Variants in ERCC3 observed in about 807,000 individuals in gnomAD.
ERCC3 encodes the protein general transcription and DNA repair factor IIH helicase/translocase subunit XPB.
Under a neutral mutation model 94.2 loss-of-function variants are expected in ERCC3, and 66 were observed. The observed-to-expected ratio is 0.70, with a 90% CI of 0.57 to 0.86. The LOEUF (loss-of-function observed/expected upper bound fraction) is 0.86, where lower values mean the gene tolerates loss of function less well. Among genes scored for constraint, ERCC3 ranks in the 40% least tolerant of loss-of-function variants. ERCC3 has a pLI of 0.00. For synonymous variants in ERCC3, 349 were observed against 369.1 expected (o/e 0.95, Z 0.63); for missense variants, 829 against 987.1 (o/e 0.84, Z 2.15).
At chr2:127,263,854 C>T (rs1356312551) in intron 12 of ERCC3, among the ~76,000 whole-genome samples, 1 of 151,962 alleles carries the variant, frequency 6.6e-6, no homozygotes, top group East Asian at 1.9e-4. Flanking sequence ...ACTACAGGTG[C>T]CTGCCACCAC....
chr2:127,259,496 C>A lies in ERCC3; in HGVS notation c.2065-48G>T. On this transcript the variant is annotated intron_variant, in intron 13 of 14. Transcript: ENST00000285398. The surrounding 1 kb of genome is among the most constrained non-coding windows in gnomAD (Gnocchi z 4.9). ...CATGCCCCTTTCTGCTCTCTCTCCC[C>A]AGCCCTCCTCTGCCTTCTCCTGGGT... The A allele has an allele frequency of 6.2e-7, 1 of 1,611,888 alleles. No homozygotes were observed. The highest frequency in any genetic ancestry group is 8.5e-7 in the Non-Finnish European group (1 of 1,179,600).
intron 2 of ERCC3, 52 bp from the exon 3 acceptor site, chr2:127,292,898 C>G: frequency 8.8e-7 from 1 of 1,137,158 alleles, no homozygotes; most frequent in Non-Finnish European, 1.3e-6. Context: ...GTTGCAGAGA[C>G]TACTGGGCTC....
rs746054709 is a variant in ERCC3, at chr2:127,259,266, C to A, written c.2217+30G>T. The stretch of plus-strand genomic sequence containing the variant: ...AAACGCTGCCCTGTGAGAGCACTGA[C>A]ACCTGGAACCTCCTCACCCATTTAC... On this transcript the variant is annotated intron_variant, in intron 14 of 14. Coordinates refer to ENST00000285398, the MANE Select transcript of ERCC3 (RefSeq NM_000122.2). The surrounding 1 kb of genome is among the most constrained non-coding windows in gnomAD (Gnocchi z 4.9). 2 of 1,613,762 alleles carry A rather than the reference C, an allele frequency of 1.2e-6. No individual in the cohort carries two copies. The highest frequency in any genetic ancestry group is 3.3e-5 in the Admixed American group (2 of 60,004).
chr2:127,288,935 G>C (rs1350812880), intron 6 of ERCC3, 71 bp from the exon 7 acceptor site: 24 of 1,206,272 alleles, frequency 2.0e-5, no homozygotes, highest in Non-Finnish European at 2.3e-5. Flanking sequence ...CTTCTAAGAG[G>C]TCCAATGGTC....
Position 127,271,234 on chromosome 2 carries a change from T to G in ERCC3, c.1945+102A>C, listed in dbSNP as rs4150498. 5.2e-4 allele frequency: 431 copies of G among 828,852 alleles called. 2 individuals carry two copies. In the African/African-American group the frequency reaches 5.3e-3, roughly 10 times the overall value. 51.3% of individuals were successfully genotyped at this position (828,852 alleles called of 1,614,324 possible). A position where few individuals can be genotyped will look rare whatever the true frequency, so the allele number is the denominator to read the frequency against. Reference sequence around the variant, plus strand: ...GGGATTCTCTCCCTCCAGAGTCTATTTAGCCCCAGGGCACATGGCAGCTCT... The same window carrying G: ...GGGATTCTCTCCCTCCAGAGTCTATGTAGCCCCAGGGCACATGGCAGCTCT... On this transcript the variant is annotated intron_variant, in intron 12 of 14. Coordinates refer to ENST00000285398, the MANE Select transcript of ERCC3 (RefSeq NM_000122.2). The surrounding 1 kb of genome is among the most constrained non-coding windows in gnomAD (Gnocchi z 5.0).
At chr2:127,260,808 G>C (rs969457587) in intron 13 of ERCC3, 1 of 207,916 alleles carries the variant, frequency 4.8e-6, no homozygotes, top group African/African-American at 2.3e-5. Flanking sequence ...CTCAGCCAGT[G>C]AAAGTTAGCC....
chr2:127,261,278 A>G lies in ERCC3; in HGVS notation c.2014T>C (p.Tyr672His). Reference sequence around the variant, plus strand: ...AAGAATCTCTGCCGCTTGGTTGAGTAAGCCATTTCCTGTGTGTCCTGGGAT... The same window carrying G: ...AAGAATCTCTGCCGCTTGGTTGAGTGAGCCATTTCCTGTGTGTCCTGGGAT... Reference protein sequence around the residue: ...LVSQDTQEMAYSTKRQRFLVD... With the variant: ...LVSQDTQEMAHSTKRQRFLVD... Residue 672 changes from tyrosine (Y) to histidine (H), a missense_variant, in exon 13 of 15, where the codon TAC (tyrosine) becomes CAC (histidine). Transcript: ENST00000285398. 3 of 1,613,752 alleles carry G rather than the reference A, an allele frequency of 1.9e-6. No individual in the cohort carries two copies. The highest frequency in any genetic ancestry group is 2.5e-6 in the Non-Finnish European group (3 of 1,179,598).
Position 127,259,332 on chromosome 2 carries a change from C to T in ERCC3, c.2181G>A (p.Glu727=), listed in dbSNP as rs199818181. 4.3e-6 allele frequency: 7 copies of T among 1,614,192 alleles called. No individual in the cohort carries two copies. Among genetic ancestry groups the T allele is most frequent in the South Asian group, 1.1e-5 (1 of 91,084 alleles). ...LAATDLDAEE[E]VVAGEFGSRS... ...TGGAGCCAAATTCCCCAGCCACCAC[C>T]TCCTCCTCGGCATCCAGGTCAGTGG... The change falls in exon 14 of 15, where the codon GAG becomes GAA. Residue 727 remains glutamate (E), a synonymous_variant. Coordinates refer to ENST00000285398, the MANE Select transcript of ERCC3 (RefSeq NM_000122.2). This position sits in a 1 kb window ranked among gnomAD's most constrained non-coding sequence, Gnocchi z 4.9.
chr2:127,293,321 G>C (rs1445454705), intron 2 of ERCC3, among the ~76,000 whole-genome samples, 192 bp downstream of exon 2: 3 of 152,232 alleles, frequency 2.0e-5, no homozygotes, highest in Non-Finnish European at 4.4e-5. Context: ...TGGAAGCCCA[G>C]GTCCGGCCGC....
intron 3 of ERCC3, chr2:127,290,846 C>G (rs1489812221): frequency 6.4e-6 from 1 of 157,038 alleles, no homozygotes; most frequent in Admixed American, 6.2e-5. Flanking sequence ...CTTTGGGAGG[C>G]CGAGCCAGGT....
chr2:127,288,773 T>C lies in ERCC3; in HGVS notation c.914A>G (p.Asp305Gly). 3 of 1,614,064 alleles carry C rather than the reference T, an allele frequency of 1.9e-6. No individual in the cohort carries two copies. Among genetic ancestry groups the C allele is most frequent in the Non-Finnish European group, 2.5e-6 (3 of 1,179,940 alleles). ...TGTGGGCTTTAGGTCAATGTTGATA[T>C]CAGGGTTGACAGAATCATTCCGGAA... Reference protein sequence around the residue: ...YDFRNDSVNPDINIDLKPTAV... With the variant: ...YDFRNDSVNPGINIDLKPTAV... Residue 305 changes from aspartate (D) to glycine (G), a missense_variant, in exon 7 of 15, where the codon GAT becomes GGT. Asp to Gly is a moderately conservative substitution (Grantham distance 94). Transcript: ENST00000285398.
At chr2:127,288,936 TCC>T in intron 6 of ERCC3, 72 bp from the exon 7 acceptor site, 1 of 1,208,784 alleles carries the variant, frequency 8.3e-7, no homozygotes, top group Non-Finnish European at 1.2e-6. Context: ...TTCTAAGAGG[TCC>T]AATGGTCAAA....
chr2:127,265,563 C>T lies in ERCC3; in HGVS notation c.1946-4217G>A, dbSNP rs1035663762. Among the ~76,000 whole-genome samples, 10 of 152,160 alleles carry T rather than the reference C, an allele frequency of 6.6e-5. 1 individual carries two copies. The highest frequency in any genetic ancestry group is 2.4e-4 in the African/African-American group (10 of 41,432). On this transcript the variant is annotated intron_variant, in intron 12 of 14. Coordinates refer to ENST00000285398, the MANE Select transcript of ERCC3 (RefSeq NM_000122.2). ...CCTCCTGAGTAGCTGGGATTACAAG[C>T]ATGCGCCACCACATTCGACTAATTT...
chr2:127,272,153 T>G (rs4150493), intron 11 of ERCC3, among the ~76,000 whole-genome samples: 1 of 151,104 alleles, frequency 6.6e-6, no homozygotes, highest in Non-Finnish European at 1.5e-5. Context: ...GCCTCCTGAG[T>G]AGTTGGGATT....
intron 12 of ERCC3, among the ~76,000 whole-genome samples, chr2:127,265,680 G>T (rs58063879): frequency 0.2 from 30,399 of 152,118 alleles, 3,267 homozygotes; most frequent in South Asian, 0.34. Context: ...GCCTCCCAAA[G>T]TTCCAGGATT....
rs772887980 is a variant in ERCC3, at chr2:127,261,314, A to G, written c.1978T>C (p.Tyr660His). 5 of 1,612,360 alleles carry G rather than the reference A, an allele frequency of 3.1e-6. No homozygotes were observed. The Admixed American group carries it at 6.7e-5, about 21-fold the overall frequency. Residue 660 changes from tyrosine (Y) to histidine (H), a missense_variant, in exon 13 of 15, where the codon TAC becomes CAC. Physicochemically the swap from Tyr to His is moderately conservative, Grantham distance 83. Transcript: ENST00000285398. ...MVAEEYNAFF[Y>H]SLVSQDTQEM... ...TGTGTGTCCTGGGATACCAGTGAGT[A>G]GAAAAAGGCATTGTACTCTTCTGCA...
At chr2:127,278,099 G>A (rs1269284960) in intron 10 of ERCC3, among the ~76,000 whole-genome samples, 3 of 152,008 alleles carry the variant, frequency 2.0e-5, no homozygotes, top group Non-Finnish European at 1.5e-5. Flanking sequence ...TTAGCTGGGT[G>A]TGGTGGTGCG....
rs587778280 is a variant in ERCC3 at position 127,286,712 on chromosome 2, T to C, written c.1333A>G (p.Thr445Ala). The change falls in exon 8 of 15, where the codon ACC becomes GCC. Residue 445 changes from threonine to alanine, a missense_variant. By Grantham distance (58) the Thr-to-Ala change is moderately conservative (BLOSUM62 0). Transcript: ENST00000285398. ...WGLMILDEVHTIPAKMFRRVL... is the reference protein window; with the variant it reads ...WGLMILDEVHAIPAKMFRRVL... ...GCTCCAGCCTGCTTACCTGGTATGG[T>C]GTGCACTTCATCCAGGATCATGAGG... is the stretch of plus-strand genomic sequence containing the variant. 12 of 1,613,766 alleles carry C rather than the reference T, an allele frequency of 7.4e-6. No individual in the cohort carries two copies. Among genetic ancestry groups the C allele is most frequent in the Middle Eastern group, 1.6e-4 (1 of 6,076 alleles).
chr2:127,294,037 CCCGCGCAA>C lies in ERCC3; in HGVS notation c.28+9_28+16del. 6.2e-7 allele frequency: 1 copy of C among 1,603,762 alleles called. No individual in the cohort carries two copies. Among genetic ancestry groups the C allele is most frequent in the African/African-American group, 1.3e-5 (1 of 74,968 alleles). On this transcript the variant is annotated intron_variant, in intron 1 of 14. Coordinates refer to ENST00000285398, the MANE Select transcript of ERCC3 (RefSeq NM_000122.2). ...GCAAGGGCAGTCGTGGCTGAGCGTG[CCCGCGCAA>C]CGTCTCACCGCGGTCCGCTCGGTCT... is the stretch of plus-strand genomic sequence containing the variant.
Sources: gnomAD v4.1 joint callset for allele counts (sites outside exome capture counted in the v4.1 genomes callset) on GRCh38, gnomAD v4.1.1 for gene constraint, Gnocchi (gnomAD v3.1) non-coding constraint, MANE v1.5 for transcripts, NCBI Gene and HGNC (gene_info 2026-07-23, HGNC 2026-07-21) for gene names.